SPECC1L: variants seen among roughly 807,000 people sequenced by gnomAD.
SPECC1L encodes the protein cytospin-A.
A neutral mutation model predicts 116.8 loss-of-function variants in SPECC1L; 40 were observed. The ratio of observed to expected loss-of-function variants is 0.34; its 90% confidence interval spans 0.27 to 0.45. The LOEUF is 0.45. SPECC1L is among the 20% of genes least tolerant of loss of function. SPECC1L has a pLI of 1.00. For missense variants in SPECC1L, 1,110 were observed against 1,373.6 expected (o/e 0.81, Z 3.03); for synonymous variants, 504 against 500.6 (o/e 1.01, Z -0.09).
At chr22:24,392,469 T>G (rs979571586) in intron 14 of SPECC1L, among the ~76,000 whole-genome samples, 1 of 152,212 alleles carries the variant, frequency 6.6e-6, no homozygotes, top group African/African-American at 2.4e-5. Flanking sequence ...GTTGATTTCA[T>G]TAGATACATG....
chr22:24,376,168 T>G (rs559691151), intron 14 of SPECC1L, among the ~76,000 whole-genome samples: 43 of 152,260 alleles, frequency 2.8e-4, no homozygotes, highest in Non-Finnish European at 4.7e-4. Flanking sequence ...TAAAATGATC[T>G]CTATTTGCAG....
At position 24,324,442 on chromosome 22, in the gene SPECC1L, C is replaced by T. The variant is rs1569421584; in HGVS notation, c.2146+15C>T. On this transcript the variant is annotated intron_variant, in intron 6 of 16. Coordinates refer to ENST00000314328, the MANE Select transcript of SPECC1L (RefSeq NM_015330.6). ...TGATCTAGAGAGTAAGTGATAAGAACTTTTCATTCTTTTTTGTCCTACTCT... is the reference window on the plus strand; with the variant it reads ...TGATCTAGAGAGTAAGTGATAAGAATTTTTCATTCTTTTTTGTCCTACTCT... 6.2e-7 allele frequency: 1 copy of T among 1,600,564 alleles called. No individual in the cohort carries two copies. Among genetic ancestry groups the T allele is most frequent in the Non-Finnish European group, 8.6e-7 (1 of 1,168,104 alleles).
At chr22:24,365,846 C>CTTTT (rs202229268) in intron 13 of SPECC1L, among the ~76,000 whole-genome samples, 2 of 130,134 alleles carry the variant, frequency 1.5e-5, no homozygotes, top group Non-Finnish European at 3.3e-5. Flanking sequence ...GCAGCTGTAT[C>CTTTT]TTTTTTTTTT....
intron 11 of SPECC1L, among the ~76,000 whole-genome samples, chr22:24,355,482 C>T (rs1240360614): frequency 1.3e-5 from 2 of 151,898 alleles, no homozygotes; most frequent in Non-Finnish European, 2.9e-5. Context: ...TACCTACCTA[C>T]CTATCTAACT....
At chr22:24,286,427 A>G (rs952839449) in intron 2 of SPECC1L, among the ~76,000 whole-genome samples, 1 of 152,240 alleles carries the variant, frequency 6.6e-6, no homozygotes, top group Non-Finnish European at 1.5e-5. Flanking sequence ...AACTTGCAAT[A>G]CATTGCTCCT....
At chr22:24,361,792 T>G (rs2041649562) in intron 11 of SPECC1L, among the ~76,000 whole-genome samples, 1 of 150,924 alleles carries the variant, frequency 6.6e-6, no homozygotes, top group African/African-American at 2.4e-5. Context: ...AGAAATCCTG[T>G]TCCCCCCTCT....
At chr22:24,282,833 A>C (rs576943168) in intron 2 of SPECC1L, among the ~76,000 whole-genome samples, 1 of 150,374 alleles carries the variant, frequency 6.7e-6, no homozygotes, top group Admixed American at 6.6e-5. Context: ...GCTGGAGTGC[A>C]GTGGCATAAT....
chr22:24,283,070 G>A (rs145426854), intron 2 of SPECC1L, among the ~76,000 whole-genome samples: 58 of 151,126 alleles, frequency 3.8e-4, no homozygotes, highest in South Asian at 3.8e-3. Context: ...GAGTCACTGT[G>A]CCTGGCCGAT....
chr22:24,379,035 C>G (rs1179517264), intron 14 of SPECC1L, among the ~76,000 whole-genome samples: 1 of 152,090 alleles, frequency 6.6e-6, no homozygotes, highest in Non-Finnish European at 1.5e-5. Flanking sequence ...TGAGGTGTGT[C>G]TGTATTTTCT....
At chr22:24,410,164 G>A (rs2042666985) in intron 14 of SPECC1L, among the ~76,000 whole-genome samples, 1 of 152,242 alleles carries the variant, frequency 6.6e-6, no homozygotes, top group Non-Finnish European at 1.5e-5. Context: ...TGGTTTGTGT[G>A]TTTTTTCGGA....
intron 8 of SPECC1L, 113 bp downstream of exon 8, chr22:24,330,544 G>T (rs758378945): frequency 3.3e-5 from 38 of 1,168,828 alleles, no homozygotes; most frequent in Non-Finnish European, 4.7e-5. Flanking sequence ...ACTGAGTTTG[G>T]ATCTGATGGA....
intron 14 of SPECC1L, among the ~76,000 whole-genome samples, chr22:24,383,647 G>T (rs376253921): frequency 9.0e-4 from 137 of 151,994 alleles, no homozygotes; most frequent in African/African-American, 3.2e-3. Context: ...TTTATTTTTT[G>T]ATTTTATTTT....
At chr22:24,352,855 T>C (rs575741376) in intron 11 of SPECC1L, among the ~76,000 whole-genome samples, 2 of 152,318 alleles carry the variant, frequency 1.3e-5, no homozygotes, top group East Asian at 3.9e-4. Context: ...CAACATATTA[T>C]AATGAAAATT....
At chr22:24,284,601 AT>A (rs1453894653) in intron 2 of SPECC1L, among the ~76,000 whole-genome samples, 1 of 151,742 alleles carries the variant, frequency 6.6e-6, no homozygotes, top group African/African-American at 2.4e-5. Context: ...CATCCGGCTA[AT>A]TTTTTTGTAT....
intron 11 of SPECC1L, among the ~76,000 whole-genome samples, chr22:24,360,663 A>G (rs2041625791): frequency 6.6e-6 from 1 of 152,198 alleles, no homozygotes; most frequent in Admixed American, 6.5e-5. Flanking sequence ...CTGTGTCCAT[A>G]GCAAGCACCT....
Position 24,358,925 on chromosome 22 carries a change from C to T in SPECC1L, c.2744-4336C>T, listed in dbSNP as rs62233147. On this transcript the variant is annotated intron_variant, in intron 11 of 16. Transcript: ENST00000314328. ...TCTGTCTGAAGTAATCAGAATGTAT[C>T]TCTGTTTACGTTTATCCACTTATCT... is the stretch of plus-strand genomic sequence containing the variant. 7.8e-3 allele frequency among the ~76,000 whole-genome samples: 1,183 copies of T among 152,278 alleles called. 9 individuals carry two copies. The highest frequency in any genetic ancestry group is 0.024 in the South Asian group (117 of 4,820).
chr22:24,319,455 A>G (rs2040675020), intron 4 of SPECC1L, among the ~76,000 whole-genome samples: 1 of 152,220 alleles, frequency 6.6e-6, no homozygotes, highest in Non-Finnish European at 1.5e-5. Context: ...ACACATAGGG[A>G]TTATGGGAAC....
intron 14 of SPECC1L, among the ~76,000 whole-genome samples, chr22:24,394,590 T>G (rs1296582914): frequency 6.6e-6 from 1 of 152,208 alleles, no homozygotes; most frequent in Non-Finnish European, 1.5e-5. Context: ...AGGTATAGGT[T>G]GAACATTTTC....
intron 14 of SPECC1L, among the ~76,000 whole-genome samples, chr22:24,385,083 A>G (rs1429748606): frequency 6.6e-6 from 1 of 151,758 alleles, no homozygotes; most frequent in Non-Finnish European, 1.5e-5. Flanking sequence ...AAAAGAAAAA[A>G]GAATGTAAAC....
Sources: allele counts gnomAD v4.1 joint callset (sites outside exome capture counted in the v4.1 genomes callset), GRCh38; gene constraint gnomAD v4.1.1; transcripts MANE v1.5; gene names NCBI Gene and HGNC (gene_info 2026-07-23, HGNC 2026-07-21).